Variants in CASP5 observed in about 807,000 individuals in gnomAD.
CASP5 encodes caspase 5.
A neutral mutation model predicts 45.2 loss-of-function variants in CASP5; 42 were observed. The ratio of observed to expected loss-of-function variants is 0.93; its 90% CI spans 0.73 to 1.20. CASP5 has a LOEUF of 1.20. Among genes scored for constraint, CASP5 ranks in the 50% most tolerant of loss-of-function variants. The probability of loss-of-function intolerance (pLI) is 0.00; values close to 1 mark genes in which losing one functional copy is unlikely to be tolerated. For missense variants in CASP5, 512 were observed against 532.2 expected (o/e 0.96, Z 0.37); for synonymous variants, 209 against 186.2 (o/e 1.12, Z -1.00).
chr11:105,013,919 C>T (rs1023690226), intron 1 of CASP5, among the ~76,000 whole-genome samples: 2 of 152,174 alleles, frequency 1.3e-5, no homozygotes, highest in African/African-American at 4.8e-5. Context: ...TCAATTCACA[C>T]TGCATTGATT....
In CASP5 at chr11:105,016,565, C is replaced by T. The variant is rs142673679; in HGVS notation, c.7+6565G>A. Among the ~76,000 whole-genome samples, 4 of 152,130 alleles carry T rather than the reference C, an allele frequency of 2.6e-5. No homozygotes were observed. In the East Asian group the frequency reaches 5.8e-4, roughly 22 times the overall value. On this transcript the variant is annotated intron_variant, in intron 1 of 9. Transcript: ENST00000260315. Reference sequence around the variant, plus strand: ...GGGTGACACACGGCACCTGGAAAATCGGGTCACTTCCACCCGAATACTGCG... The same window carrying T: ...GGGTGACACACGGCACCTGGAAAATTGGGTCACTTCCACCCGAATACTGCG...
intron 2 of CASP5, among the ~76,000 whole-genome samples, chr11:105,007,654 T>C (rs1339678842): frequency 6.6e-6 from 1 of 152,112 alleles, no homozygotes; most frequent in Non-Finnish European, 1.5e-5. Flanking sequence ...TCACAGCTCA[T>C]GATGATGATA....
At chr11:105,020,200 A>AT (rs1491398877) in intron 1 of CASP5, among the ~76,000 whole-genome samples, 1 of 148,130 alleles carries the variant, frequency 6.8e-6, no homozygotes, top group East Asian at 2.0e-4. Context: ...AGCCAATATC[A>AT]TACTGAATGG....
intron 1 of CASP5, among the ~76,000 whole-genome samples, chr11:105,010,053 G>C (rs554224749): frequency 9.3e-5 from 14 of 150,324 alleles, no homozygotes; most frequent in Admixed American, 5.3e-4. Context: ...ACTCTATAAA[G>C]ATCATTATCT....
intron 1 of CASP5, among the ~76,000 whole-genome samples, chr11:105,015,388 G>A (rs1003708171): frequency 1.1e-4 from 16 of 152,130 alleles, no homozygotes; most frequent in Non-Finnish European, 1.9e-4. Flanking sequence ...TGTTATTTTA[G>A]TAATCAATGA....
intron 1 of CASP5, among the ~76,000 whole-genome samples, chr11:105,019,968 G>A (rs1347381775): frequency 6.9e-6 from 1 of 145,262 alleles, no homozygotes; most frequent in African/African-American, 2.5e-5. Context: ...ATGATCAAGG[G>A]GGCTTCATCC....
Position 105,001,908 on chromosome 11 carries a change from A to C in CASP5, c.717+120T>G, listed in dbSNP as rs980736859. On this transcript the variant is annotated intron_variant, in intron 5 of 9. Transcript: ENST00000260315. ...TGCATGTGCGCATGTACACACACACACACACACGCACACGAACCCAGAGGT... is the reference window on the plus strand; with the variant it reads ...TGCATGTGCGCATGTACACACACACCCACACACGCACACGAACCCAGAGGT... 2.0e-5 allele frequency: 17 copies of C among 865,668 alleles called. No individual in the cohort carries two copies. In the African/African-American group the frequency reaches 2.4e-4, roughly 12 times the overall value. The allele number at this position is 865,668 out of a possible 1,614,324, so 53.6% of individuals were successfully genotyped here. A position where few individuals can be genotyped will look rare whatever the true frequency, so the allele number is the denominator to read the frequency against.
Position 105,008,878 on chromosome 11 carries a change from T to G in CASP5, c.110A>C (p.Asn37Thr). 1.2e-6 allele frequency: 2 copies of G among 1,613,304 alleles called. No individual in the cohort carries two copies. The highest frequency in any genetic ancestry group is 1.7e-6 in the Non-Finnish European group (2 of 1,179,426). Residue 37 changes from asparagine (N) to threonine (T), a missense_variant, in exon 2 of 10, where the codon AAC (asparagine) becomes ACC (threonine). Transcript: ENST00000260315. ...GATAGATGTTTGTCCAGCCACGTTG[T>G]TCTTTAGCATGTGGTTTATCACGAA... The part of the protein sequence containing the change: ...DNFVINHMLK[N>T]NVAGQTSIQT...
intron 6 of CASP5, among the ~76,000 whole-genome samples, chr11:104,999,611 C>G (rs1408633735): frequency 6.6e-6 from 1 of 152,200 alleles, no homozygotes; most frequent in East Asian, 1.9e-4. Context: ...CATGCAAACA[C>G]ACACACACAT....
chr11:105,013,053 GAAA>G (rs1303938154), intron 1 of CASP5, among the ~76,000 whole-genome samples: 1 of 151,938 alleles, frequency 6.6e-6, no homozygotes, highest in African/African-American at 2.4e-5. Flanking sequence ...AATGGATGGA[GAAA>G]GTATCATAAT....
At chr11:105,006,219 C>A (rs765593535) in intron 3 of CASP5, among the ~76,000 whole-genome samples, 1 of 152,090 alleles carries the variant, frequency 6.6e-6, no homozygotes, top group Non-Finnish European at 1.5e-5. Context: ...TATAGTAGTT[C>A]CCTGATCATA....
intron 9 of CASP5, 23 bp downstream of exon 9, chr11:104,995,717 C>T (rs778639041): frequency 6.8e-6 from 10 of 1,474,176 alleles, no homozygotes; most frequent in Non-Finnish European, 8.5e-6. Context: ...TTATTTCACC[C>T]TCCAACAACT....
At chr11:105,011,725 T>C (rs538493365) in intron 1 of CASP5, among the ~76,000 whole-genome samples, 80 of 151,840 alleles carry the variant, frequency 5.3e-4, no homozygotes, top group African/African-American at 1.9e-3. Flanking sequence ...TAATAAGGAA[T>C]AAATGTAACC....
intron 1 of CASP5, among the ~76,000 whole-genome samples, chr11:105,009,718 C>CATATATATAT (rs1424749536): frequency 1.2e-5 from 1 of 83,578 alleles, no homozygotes; most frequent in Non-Finnish European, 2.1e-5. Context: ...TATATATACA[C>CATATATATAT]ACATATATAT....
chr11:105,000,568 G>A (rs1861677182), intron 5 of CASP5, 73 bp from the exon 6 acceptor site: 45 of 1,370,510 alleles, frequency 3.3e-5, no homozygotes, highest in Non-Finnish European at 4.6e-5. Flanking sequence ...TTTACCATGA[G>A]CGAAACAAGA....
rs187024992 is a variant in CASP5, at chr11:104,994,869, T to C, written c.*5-522A>G. On this transcript the variant is annotated intron_variant, in intron 9 of 9. Coordinates refer to ENST00000260315, the MANE Select transcript of CASP5 (RefSeq NM_004347.5). ...TTCATTATTTCAAGGCAGGTTTTCCTGAATAAAGTACCTATAGTTGAGCAT... is the reference window on the plus strand; with the variant it reads ...TTCATTATTTCAAGGCAGGTTTTCCCGAATAAAGTACCTATAGTTGAGCAT... Among the ~76,000 whole-genome samples the C allele has an allele frequency of 1.3e-4, 20 of 152,364 alleles. No homozygotes were observed. The East Asian group carries it at 3.9e-3, about 29-fold the overall frequency.
At chr11:105,002,876 A>G (rs1448078084) in intron 4 of CASP5, among the ~76,000 whole-genome samples, 4 of 152,072 alleles carry the variant, frequency 2.6e-5, no homozygotes, top group Non-Finnish European at 4.4e-5. Flanking sequence ...CACTGTCACC[A>G]CCCCCTCATC....
At position 105,007,235 on chromosome 11, in the gene CASP5, G is replaced by A. The variant is rs1263747741; in HGVS notation, c.281C>T (p.Thr94Ile). ...FNYLAKHDVL[T>I]LKEEEKKKYY... ...TTTTTTCTTTTCCTCTTCCTTCAATGTCAGAACATCGTGTTTTGCCAAATA... is the reference window on the plus strand; with the variant it reads ...TTTTTTCTTTTCCTCTTCCTTCAATATCAGAACATCGTGTTTTGCCAAATA... The change falls in exon 3 of 10, where the codon ACA (threonine) becomes ATA (isoleucine). Residue 94 changes from threonine to isoleucine, a missense_variant. Thr to Ile is a moderately conservative substitution (Grantham distance 89). Coordinates refer to ENST00000260315, the MANE Select transcript of CASP5 (RefSeq NM_004347.5). 1 of 1,612,990 alleles carries A rather than the reference G, an allele frequency of 6.2e-7. No individual in the cohort carries two copies. Among genetic ancestry groups the A allele is most frequent in the African/African-American group, 1.3e-5 (1 of 74,806 alleles).
At chr11:104,996,523 T>C (rs1446346909) in intron 8 of CASP5, among the ~76,000 whole-genome samples, 1 of 152,234 alleles carries the variant, frequency 6.6e-6, no homozygotes, top group East Asian at 1.9e-4. Context: ...CTGTTCTCTA[T>C]AATTTTTAAT....
Sources: gnomAD v4.1 joint callset for allele counts (sites outside exome capture counted in the v4.1 genomes callset) on GRCh38, gnomAD v4.1.1 for gene constraint, MANE v1.5 for transcripts, NCBI Gene and HGNC (gene_info 2026-07-23, HGNC 2026-07-21) for gene names.